Variants in CDC5L observed in about 807,000 individuals in gnomAD.
CDC5L encodes cell division cycle 5-like protein.
Under a neutral mutation model 104.1 loss-of-function variants are expected in CDC5L, and 18 were observed. The ratio of observed to expected loss-of-function variants is 0.17; its 90% CI spans 0.12 to 0.26. CDC5L has a LOEUF of 0.26. Ranked by LOEUF, CDC5L falls within the 10% of genes least tolerant of loss-of-function variation. CDC5L has a pLI of 1.00. For synonymous variants in CDC5L, 331 were observed against 322.7 expected, an observed-to-expected ratio of 1.03 and a Z score of -0.28; for missense variants, 673 against 956.9, an observed-to-expected ratio of 0.70 and a Z score of 3.91.
chr6:44,426,858 G>A (rs1792445204), intron 13 of CDC5L, 134 bp downstream of exon 13: 1 of 832,926 alleles, frequency 1.2e-6, no homozygotes. Context: ...GGAGATGCAT[G>A]TTTAGATTAA....
At chr6:44,439,934 C>T (rs1015276943) in intron 14 of CDC5L, among the ~76,000 whole-genome samples, 12 of 152,078 alleles carry the variant, frequency 7.9e-5, no homozygotes, top group African/African-American at 2.2e-4. Flanking sequence ...ACTCTTACCC[C>T]GCTGTACTGT....
In CDC5L at chr6:44,422,555, A is replaced by G; in HGVS notation, c.1242-92A>G. On this transcript the variant is annotated intron_variant, in intron 9 of 15. Coordinates refer to ENST00000371477, the MANE Select transcript of CDC5L (RefSeq NM_001253.4). ...AATCTTTATTCTTTTTTTTTTCTAT[A>G]TTTCCTGTGAAATAATTTATGTGAA... 5 of 834,782 alleles carry G rather than the reference A, an allele frequency of 6.0e-6. No individual in the cohort carries two copies. The Admixed American group carries it at 8.4e-5, about 14-fold the overall frequency. 51.7% of individuals were successfully genotyped at this position (834,782 alleles called of 1,614,324 possible). A position where few individuals can be genotyped will look rare whatever the true frequency, so the allele number is the denominator to read the frequency against.
intron 13 of CDC5L, 87 bp from the exon 14 acceptor site, chr6:44,429,626 T>C (rs1581657905): frequency 8.8e-7 from 1 of 1,140,530 alleles, no homozygotes; most frequent in Non-Finnish European, 1.3e-6. Context: ...ACTCAAGGCA[T>C]GAGGGAAAAA....
At position 44,387,883 on chromosome 6, in the gene CDC5L, C is replaced by G. The variant is rs1790400090; in HGVS notation, c.45+15C>G. On this transcript the variant is annotated intron_variant, in intron 1 of 15. Coordinates refer to ENST00000371477, the MANE Select transcript of CDC5L (RefSeq NM_001253.4). ...GGAATACCGAGGTAAGTCTCCTTTT[C>G]CCGCCGTCCGCTGCCCGCCGCTCCC... 1.3e-6 allele frequency: 2 copies of G among 1,555,288 alleles called. No individual in the cohort carries two copies. Among genetic ancestry groups the G allele is most frequent in the Non-Finnish European group, 1.7e-6 (2 of 1,148,740 alleles).
intron 14 of CDC5L, among the ~76,000 whole-genome samples, chr6:44,434,428 A>G (rs1366147101): frequency 6.6e-6 from 1 of 152,178 alleles, no homozygotes; most frequent in Non-Finnish European, 1.5e-5. Flanking sequence ...ACTGATAAAA[A>G]TGCTGGTAAT....
chr6:44,421,802 C>T (rs1018116648), intron 9 of CDC5L, among the ~76,000 whole-genome samples: 2 of 152,036 alleles, frequency 1.3e-5, no homozygotes, highest in African/African-American at 4.8e-5. Context: ...AATACGATGC[C>T]GTTTTATATC....
rs966991043 is a variant in CDC5L, at chr6:44,447,429, A to C, written c.*718A>C. The C allele has an allele frequency of 2.0e-5, 3 of 152,226 alleles. No homozygotes were observed. The highest frequency in any genetic ancestry group is 6.5e-5 in the Admixed American group (1 of 15,276). 9.4% of individuals were successfully genotyped at this position (152,226 alleles called of 1,614,324 possible). On this transcript the variant is annotated 3_prime_UTR_variant, in exon 16 of 16. Transcript: ENST00000371477. ...AAAAGTTAATTTCAAGAAGGCCATC[A>C]AACTTAAAGCTCTATGTTTAGCCTA...
Position 44,408,480 on chromosome 6 carries a change from G to C in CDC5L, c.940G>C (p.Gly314Arg). The change falls in exon 8 of 16, where the codon GGC becomes CGC. Residue 314 changes from glycine to arginine, a missense_variant. Coordinates refer to ENST00000371477, the MANE Select transcript of CDC5L (RefSeq NM_001253.4). Reference protein sequence around the residue: ...DAELQEVVKVGQASEIARQTA... With the variant: ...DAELQEVVKVRQASEIARQTA... Reference sequence around the variant, plus strand: ...AGAACTCCAGGAAGTTGTAAAAGTAGGCCAAGCGAGTGAAATTGCACGTCA... The same window carrying C: ...AGAACTCCAGGAAGTTGTAAAAGTACGCCAAGCGAGTGAAATTGCACGTCA... 1 of 1,613,692 alleles carries C rather than the reference G, an allele frequency of 6.2e-7. No homozygotes were observed. The highest frequency in any genetic ancestry group is 1.7e-4 in the Middle Eastern group (1 of 6,060).
intron 14 of CDC5L, chr6:44,435,716 A>C (rs1792902626): frequency 6.6e-6 from 1 of 151,550 alleles, no homozygotes; most frequent in African/African-American, 2.4e-5. Flanking sequence ...TGATGCCAGC[A>C]GTTGTGCCCT....
At chr6:44,428,749 C>G (rs1481214831) in intron 13 of CDC5L, among the ~76,000 whole-genome samples, 1 of 152,210 alleles carries the variant, frequency 6.6e-6, no homozygotes, top group Non-Finnish European at 1.5e-5. Context: ...TAGTAGTGAA[C>G]TAAACTGGTT....
At chr6:44,443,788 C>G (rs1793320676) in intron 14 of CDC5L, among the ~76,000 whole-genome samples, 1 of 149,832 alleles carries the variant, frequency 6.7e-6, no homozygotes, top group East Asian at 2.0e-4. Flanking sequence ...TTTGGAATTT[C>G]CTGTTGGGTA....
At chr6:44,437,328 ATGCAGATACCCTCCTT>A (rs1305045225) in intron 14 of CDC5L, among the ~76,000 whole-genome samples, 39 of 152,252 alleles carry the variant, frequency 2.6e-4, no homozygotes, top group Non-Finnish European at 5.9e-5. Context: ...TTTACAAAGC[ATGCAGATACCCTCCTT>A]TGTGTTTTAA....
intron 8 of CDC5L, among the ~76,000 whole-genome samples, chr6:44,414,054 A>T (rs769144822): frequency 2.0e-5 from 3 of 151,936 alleles, no homozygotes; most frequent in Non-Finnish European, 2.9e-5. Context: ...ATGACATTTC[A>T]TGTGCTTATT....
rs375567558 is a variant in CDC5L at position 44,426,673 on chromosome 6, C to G, written c.1842C>G (p.Thr614=). Residue 614 remains threonine, a synonymous_variant, in exon 13 of 16, where the codon ACC becomes ACG. Coordinates refer to ENST00000371477, the MANE Select transcript of CDC5L (RefSeq NM_001253.4). The part of the protein sequence containing the change: ...GFGTNNSEHI[T]YLEHNPYEKF... ...GTACCAATAATTCAGAGCACATTAC[C>G]TATCTGGAACATAATCCTTATGAAA... 32 of 1,612,378 alleles carry G rather than the reference C, an allele frequency of 2.0e-5. No individual in the cohort carries two copies. The East Asian group carries it at 4.9e-4, about 25-fold the overall frequency.
chr6:44,394,339 T>C (rs1405820637), intron 4 of CDC5L, among the ~76,000 whole-genome samples: 1 of 152,328 alleles, frequency 6.6e-6, no homozygotes, highest in East Asian at 1.9e-4. Flanking sequence ...ATCCTGTTTC[T>C]CATTCCTATT....
intron 8 of CDC5L, among the ~76,000 whole-genome samples, chr6:44,412,318 T>C (rs978029567): frequency 6.6e-6 from 1 of 152,252 alleles, no homozygotes; most frequent in South Asian, 2.1e-4. Flanking sequence ...CTTTTTTTTT[T>C]TTTCAGACAG....
chr6:44,406,967 A>T (rs1303860818), intron 7 of CDC5L, among the ~76,000 whole-genome samples: 1 of 152,184 alleles, frequency 6.6e-6, no homozygotes, highest in African/African-American at 2.4e-5. Flanking sequence ...AGTAATTGTG[A>T]TATAGTATGA....
At chr6:44,434,947 A>G (rs369924116) in intron 14 of CDC5L, among the ~76,000 whole-genome samples, 2 of 152,244 alleles carry the variant, frequency 1.3e-5, no homozygotes, top group East Asian at 3.9e-4. Flanking sequence ...TTAAAAAAAT[A>G]ACATTTCTAG....
intron 14 of CDC5L, among the ~76,000 whole-genome samples, chr6:44,440,440 G>A (rs1793130100): frequency 6.7e-6 from 1 of 149,002 alleles, no homozygotes; most frequent in Non-Finnish European, 1.5e-5. Context: ...TGGGGGTTTT[G>A]TCATGTTGGC....
Sources: allele counts gnomAD v4.1 joint callset (sites outside exome capture counted in the v4.1 genomes callset), GRCh38; gene constraint gnomAD v4.1.1; transcripts MANE v1.5; gene names NCBI Gene and HGNC (gene_info 2026-07-23, HGNC 2026-07-21).